Variants in PEMT observed in about 807,000 individuals in gnomAD.
PEMT encodes the protein phosphatidylethanolamine N-methyltransferase.
In PEMT, 23 loss-of-function variants were observed where a neutral mutation model predicts 27.4. That is an observed-to-expected ratio of 0.84 (90% CI 0.60 to 1.19). The LOEUF (loss-of-function observed/expected upper bound fraction) is 1.19, where lower values mean the gene tolerates loss of function less well. PEMT is among the 50% of genes most tolerant of loss of function. PEMT has a pLI of 0.00. For synonymous variants in PEMT, 137 were observed against 139.1 expected, an observed-to-expected ratio of 0.98 and a Z score of 0.11; for missense variants, 307 against 310.1, an observed-to-expected ratio of 0.99 and a Z score of 0.07.
chr17:17,529,207 C>T (rs1375583913), intron 2 of PEMT, among the ~76,000 whole-genome samples: 3 of 152,228 alleles, frequency 2.0e-5, no homozygotes, highest in Non-Finnish European at 2.9e-5. Context: ...GCCCAGCCGG[C>T]CCGGTGACCT....
At chr17:17,559,375 C>T (rs1910302655) in intron 2 of PEMT, among the ~76,000 whole-genome samples, 1 of 152,248 alleles carries the variant, frequency 6.6e-6, no homozygotes, top group Admixed American at 6.5e-5. Flanking sequence ...AACTGACCTG[C>T]TCGAGGCAGG....
chr17:17,540,530 G>A (rs968625120), intron 2 of PEMT, among the ~76,000 whole-genome samples: 1 of 152,184 alleles, frequency 6.6e-6, no homozygotes, highest in Admixed American at 6.5e-5. Flanking sequence ...AGTGAGTCAG[G>A]AGCACCAGCT....
chr17:17,534,782 G>A (rs1012003017), intron 2 of PEMT, among the ~76,000 whole-genome samples: 4 of 152,110 alleles, frequency 2.6e-5, no homozygotes, highest in African/African-American at 4.8e-5. Context: ...GCTGCAGCAC[G>A]AATGCACTCC....
chr17:17,522,837 A>G (rs1597885827), intron 2 of PEMT, among the ~76,000 whole-genome samples: 1 of 152,344 alleles, frequency 6.6e-6, no homozygotes, highest in Admixed American at 6.5e-5. Flanking sequence ...CGCGGCCTTC[A>G]GAGCACAGGC....
chr17:17,550,768 C>A (rs949033705), intron 2 of PEMT, among the ~76,000 whole-genome samples: 4 of 152,200 alleles, frequency 2.6e-5, no homozygotes, highest in Non-Finnish European at 5.9e-5. Context: ...ACACTCGCAC[C>A]CACACCTGGT....
intron 2 of PEMT, among the ~76,000 whole-genome samples, chr17:17,566,481 G>T (rs1444063436): frequency 1.3e-5 from 2 of 152,178 alleles, no homozygotes; most frequent in East Asian, 3.8e-4. Context: ...GTCTAGGCAG[G>T]AGGCAAAACA....
At position 17,533,747 on chromosome 17, in the gene PEMT, T is replaced by C. The variant is rs1439678890; in HGVS notation, c.205-11352A>G. Among the ~76,000 whole-genome samples the C allele has an allele frequency of 4.6e-5, 7 of 151,964 alleles. No homozygotes were observed. The East Asian group carries it at 1.3e-3, about 29-fold the overall frequency. ...GGCAGTGTCTCTCTTTTTTTTTTTT[T>C]TGAGACAGAGTCTTGCTCTGTTGCC... On this transcript the variant is annotated intron_variant, in intron 2 of 6. Coordinates refer to ENST00000255389, the MANE Select transcript of PEMT (RefSeq NM_148172.3).
intron 2 of PEMT, among the ~76,000 whole-genome samples, chr17:17,562,234 C>T (rs936139044): frequency 1.3e-5 from 2 of 152,278 alleles, no homozygotes; most frequent in Admixed American, 1.3e-4. Flanking sequence ...GCTGCTGCTT[C>T]TGTAACACCA....
At position 17,533,083 on chromosome 17, in the gene PEMT, A is replaced by G. The variant is rs549441310; in HGVS notation, c.205-10688T>C. ...TGGAGGACTCACTTCCTGATTTCAA[A>G]CTTACCACAATGCAACAGTAATCAA... On this transcript the variant is annotated intron_variant, in intron 2 of 6. Transcript: ENST00000255389. 3.3e-5 allele frequency among the ~76,000 whole-genome samples: 5 copies of G among 152,360 alleles called. No homozygotes were observed. The East Asian group carries it at 7.7e-4, about 23-fold the overall frequency.
At chr17:17,543,961 A>G (rs370031846) in intron 2 of PEMT, among the ~76,000 whole-genome samples, 22 of 152,334 alleles carry the variant, frequency 1.4e-4, no homozygotes, top group African/African-American at 4.8e-4. Context: ...GTGGGAGGAG[A>G]GAACTCCAAG....
rs113220840 is a variant in PEMT at position 17,587,780 on chromosome 17, G to T, written c.96+3751C>A. Among the ~76,000 whole-genome samples the T allele has an allele frequency of 1.4e-3, 217 of 152,296 alleles. 1 individual carries two copies. The highest frequency in any genetic ancestry group is 6.8e-3 in the Middle Eastern group (2 of 294). On this transcript the variant is annotated intron_variant, in intron 1 of 6. Coordinates refer to ENST00000255389, the MANE Select transcript of PEMT (RefSeq NM_148172.3). ...AATCCCAGCTACTCGGGAGCCTGAG[G>T]TGGGGGAATTGCTTGAACTCGGGAG...
chr17:17,535,559 C>T (rs914462826), intron 2 of PEMT, among the ~76,000 whole-genome samples: 7 of 111,242 alleles, frequency 6.3e-5, no homozygotes, highest in Admixed American at 3.6e-4. Flanking sequence ...ACTGAGACTC[C>T]GTCTCAAGAA....
At chr17:17,591,508 C>A in intron 1 of PEMT, 23 bp downstream of exon 1, 1 of 1,580,268 alleles carries the variant, frequency 6.3e-7, no homozygotes, top group South Asian at 1.1e-5. Context: ...CCAGTTTCCG[C>A]GGCGGTCCGG....
chr17:17,585,623 A>G (rs541410437), intron 1 of PEMT, among the ~76,000 whole-genome samples: 2 of 152,360 alleles, frequency 1.3e-5, no homozygotes, highest in Admixed American at 6.5e-5. Context: ...TCAATTGACC[A>G]TTTAAATTTA....
chr17:17,511,365 G>C (rs554791114), intron 4 of PEMT, among the ~76,000 whole-genome samples: 1 of 152,254 alleles, frequency 6.6e-6, no homozygotes, highest in Non-Finnish European at 1.5e-5. Context: ...CACAGTCCCA[G>C]AGAGGCCTGG....
chr17:17,586,908 C>T (rs1912346413), intron 1 of PEMT, among the ~76,000 whole-genome samples: 2 of 151,996 alleles, frequency 1.3e-5, no homozygotes, highest in African/African-American at 4.8e-5. Flanking sequence ...GAGGCTGAGG[C>T]AGGAGAATTG....
intron 2 of PEMT, among the ~76,000 whole-genome samples, chr17:17,526,440 C>T (rs980284595): frequency 6.6e-6 from 1 of 152,262 alleles, no homozygotes; most frequent in African/African-American, 2.4e-5. Context: ...GACAGTACCC[C>T]CCACCCCGAT....
chr17:17,540,669 C>G (rs1456525756), intron 2 of PEMT, among the ~76,000 whole-genome samples: 3 of 152,328 alleles, frequency 2.0e-5, no homozygotes, highest in African/African-American at 7.2e-5. Context: ...CTGCCCCTCT[C>G]CAACAGGGTC....
At chr17:17,590,452 C>A (rs1467155277) in intron 1 of PEMT, among the ~76,000 whole-genome samples, 1 of 152,214 alleles carries the variant, frequency 6.6e-6, no homozygotes, top group African/African-American at 2.4e-5. Context: ...CTTGGGATTT[C>A]AATCCCGCCT....
Sources: gnomAD v4.1 joint callset for allele counts (sites outside exome capture counted in the v4.1 genomes callset) on GRCh38, gnomAD v4.1.1 for gene constraint, MANE v1.5 for transcripts, NCBI Gene and HGNC (gene_info 2026-07-23, HGNC 2026-07-21) for gene names.